The following GPANK1 variants were observed in gnomAD, a reference collection of about 807,000 sequenced individuals.
GPANK1 encodes the protein G-patch domain and ankyrin repeats 1, also known as G patch domain and ankyrin repeat-containing protein 1.
GPANK1 carries 22 observed loss-of-function variants against 24.0 expected under a neutral mutation model. The ratio of observed to expected loss-of-function variants is 0.92; its 90% CI spans 0.66 to 1.31. The LOEUF is 1.31. Among genes scored for constraint, GPANK1 ranks in the 50% most tolerant of loss-of-function variants. The pLI is 0.00. For missense variants in GPANK1, 469 were observed against 453.5 expected (o/e 1.03, Z -0.31); for synonymous variants, 174 against 177.4 (o/e 0.98, Z 0.15).
upstream of GPANK1, chr6:31,665,571 C>T (rs955443480): frequency 7.3e-7 from 1 of 1,370,568 alleles, no homozygotes; most frequent in Non-Finnish European, 1.0e-6. Flanking sequence ...AGCCAAGCCG[C>T]ACCTCTCCCC....
At chr6:31,665,432 T>TA (rs894941795), upstream of GPANK1, 9 of 1,562,100 alleles carry the variant, frequency 5.8e-6, no homozygotes, top group East Asian at 2.4e-5. Context: ...AGGTCACACT[T>TA]AGAGCCTAAG....
upstream of GPANK1, chr6:31,666,135 C>T: frequency 2.0e-6 from 2 of 994,578 alleles, no homozygotes; most frequent in Non-Finnish European, 2.4e-6. Flanking sequence ...GCGGCCTGCG[C>T]TGTAGCGGTC....
upstream of GPANK1, chr6:31,665,210 G>C (rs1011916912): frequency 1.8e-5 from 10 of 552,748 alleles, no homozygotes; most frequent in Admixed American, 2.4e-4. Context: ...GGATCTGTCG[G>C]TTGGGGTCCT....
chr6:31,661,418 G>A lies in GPANK1; in HGVS notation c.*848C>T, dbSNP rs1800828213. On this transcript the variant is annotated 3_prime_UTR_variant, in exon 3 of 3. Coordinates refer to ENST00000375896, the MANE Select transcript of GPANK1 (RefSeq NM_033177.4). Reference sequence around the variant, plus strand: ...CCTGCATTATAATATTTGATAACATGGGCCGGGAGTGGTGGCTCATGCCTG... The same window carrying A: ...CCTGCATTATAATATTTGATAACATAGGCCGGGAGTGGTGGCTCATGCCTG... 1 of 152,320 alleles carries A rather than the reference G, an allele frequency of 6.6e-6. No individual in the cohort carries two copies. The highest frequency in any genetic ancestry group is 1.5e-5 in the Non-Finnish European group (1 of 68,074). 9.4% of individuals were successfully genotyped at this position (152,320 alleles called of 1,614,324 possible). A position where few individuals can be genotyped will look rare whatever the true frequency, so the allele number is the denominator to read the frequency against.
At chr6:31,665,456 G>A (rs758409823), upstream of GPANK1, 7 of 1,569,494 alleles carry the variant, frequency 4.5e-6, no homozygotes, top group African/African-American at 6.8e-5. Context: ...AAATGGAGAA[G>A]TGCAAAGGGA....
chr6:31,662,438 G>A lies in GPANK1; in HGVS notation c.899C>T (p.Ser300Leu). The stretch of plus-strand genomic sequence containing the variant: ...ATGTGTCACTCGGGGCTGGGGTGCT[G>A]ATCTGTAGCCTAGTCCTTCCTGGTC... ...KRDQEGLGYR[S>L]APQPRVTHFP... The change falls in exon 3 of 3, where the codon TCA becomes TTA. Residue 300 changes from serine to leucine, a missense_variant. Ser to Leu is a moderately radical substitution (Grantham distance 145, BLOSUM62 -2). Transcript: ENST00000375896. The surrounding 1 kb of genome is among the most constrained non-coding windows in gnomAD (Gnocchi z 5.5). 3 of 1,612,306 alleles carry A rather than the reference G, an allele frequency of 1.9e-6. No individual in the cohort carries two copies. Among genetic ancestry groups the A allele is most frequent in the Non-Finnish European group, 2.5e-6 (3 of 1,179,596 alleles).
upstream of GPANK1, chr6:31,666,119 G>C (rs1801662450): frequency 7.0e-6 from 7 of 994,108 alleles, no homozygotes; most frequent in African/African-American, 3.5e-5. Context: ...TGCCGCGGTC[G>C]GGTCCGCGGC....
upstream of GPANK1, chr6:31,665,272 C>T (rs1801497097): frequency 3.1e-6 from 2 of 646,650 alleles, no homozygotes; most frequent in East Asian, 5.5e-5. Context: ...ACGTGGCCCC[C>T]GCTCCAAGCC....
chr6:31,666,076 C>T (rs915359252), upstream of GPANK1: 23 of 991,110 alleles, frequency 2.3e-5, no homozygotes, highest in East Asian at 1.1e-4. Context: ...TCCCCACCCT[C>T]CCTAATTTCC....
At chr6:31,665,718 C>T (rs762506346), upstream of GPANK1, 48 of 838,888 alleles carry the variant, frequency 5.7e-5, no homozygotes, top group Non-Finnish European at 8.7e-5. Flanking sequence ...GCAGCAGCGC[C>T]GCGCCGGGAC....
At chr6:31,665,342 G>A (rs974942984), upstream of GPANK1, 8 of 1,111,310 alleles carry the variant, frequency 7.2e-6, no homozygotes, top group South Asian at 1.3e-5. Flanking sequence ...GAGGCGGAGG[G>A]AAACCTGTGG....
In GPANK1 at chr6:31,664,102, G is replaced by A. The variant is rs774494386; in HGVS notation, c.377C>T (p.Pro126Leu). ...CCCCCCAGCTCCTCCTGCCTCATGC[G>A]GTTCCAGCAGTCTCCTAAGTTCTGG... ...DLPELRRLLE[P>L]HEAGGAGGNI... Residue 126 changes from proline to leucine, a missense_variant, in exon 2 of 3, where the codon CCG becomes CTG. Transcript: ENST00000375896. 1.2e-5 allele frequency: 19 copies of A among 1,614,032 alleles called. No individual in the cohort carries two copies. The highest frequency in any genetic ancestry group is 1.4e-5 in the Non-Finnish European group (17 of 1,180,030).
At chr6:31,664,650 A>C (rs1801394984) in intron 1 of GPANK1, 73 bp from the exon 2 acceptor site, 1 of 597,520 alleles carries the variant, frequency 1.7e-6, no homozygotes, top group Admixed American at 3.0e-5. Context: ...AGGACTCTGC[A>C]GGGCCTAAGG....
At position 31,664,432 on chromosome 6, in the gene GPANK1, C is replaced by T. The variant is rs774998575; in HGVS notation, c.47G>A (p.Ser16Asn). 3 of 1,614,030 alleles carry T rather than the reference C, an allele frequency of 1.9e-6. No individual in the cohort carries two copies. The highest frequency in any genetic ancestry group is 2.5e-6 in the Non-Finnish European group (3 of 1,180,010). ...CTGCTGCCCATCCTTCCAGAGGTCG[C>T]TGGGGTCAGTGGCTGGGGTGAAGGT... ...LITFTPATDP[S>N]DLWKDGQQQP... is the part of the protein sequence containing the mutation. The change falls in exon 2 of 3, where the codon AGC (serine) becomes AAC (asparagine). Residue 16 changes from serine to asparagine, a missense_variant. Physicochemically the swap from Ser to Asn is conservative, Grantham distance 46. Coordinates refer to ENST00000375896, the MANE Select transcript of GPANK1 (RefSeq NM_033177.4).
At chr6:31,665,369 G>C (rs1161577202), upstream of GPANK1, 9 of 1,323,066 alleles carry the variant, frequency 6.8e-6, no homozygotes, top group African/African-American at 4.4e-5. Flanking sequence ...GAGAAGCCGT[G>C]TAATGAAATA....
Position 31,662,337 on chromosome 6 carries a change from C to G in GPANK1, c.1000G>C (p.Glu334Gln). The change falls in exon 3 of 3, where the codon GAG becomes CAG. Residue 334 changes from glutamate (E) to glutamine (Q), a missense_variant. Physicochemically the swap from Glu to Gln is conservative, Grantham distance 29. Coordinates refer to ENST00000375896, the MANE Select transcript of GPANK1 (RefSeq NM_033177.4). This position sits in a 1 kb window ranked among gnomAD's most constrained non-coding sequence, Gnocchi z 5.5. Reference sequence around the variant, plus strand: ...CTGTCTTTCTCCTCCCTCCTTCTCTCCTCCCTCCAGCTCAGTGTGGCCACC... The same window carrying G: ...CTGTCTTTCTCCTCCCTCCTTCTCTGCTCCCTCCAGCTCAGTGTGGCCACC... ...PRVATLSWRE[E>Q]RRREEKDRAW... The G allele has an allele frequency of 6.2e-7, 1 of 1,606,812 alleles. No individual in the cohort carries two copies. Among genetic ancestry groups the G allele is most frequent in the Non-Finnish European group, 8.5e-7 (1 of 1,176,138 alleles).
Position 31,663,926 on chromosome 6 carries a change from C to A in GPANK1, c.553G>T (p.Glu185Ter). The part of the protein sequence containing the change: ...LSGRDAAQLA[E>*]EAGFPEVARM... ...GCTACCTCAGGGAAGCCAGCTTCTT[C>A]AGCGAGCTGAGCCGCATCCCTGCCA... is the stretch of plus-strand genomic sequence containing the variant. Residue 185 changes from glutamate to a stop codon, truncating the protein, a stop_gained, in exon 2 of 3, where the codon GAA becomes TAA. Coordinates refer to ENST00000375896, the MANE Select transcript of GPANK1 (RefSeq NM_033177.4). LOFTEE classifies it high-confidence loss of function. 1 of 1,612,732 alleles carries A rather than the reference C, an allele frequency of 6.2e-7. No individual in the cohort carries two copies. The highest frequency in any genetic ancestry group is 1.1e-5 in the South Asian group (1 of 90,950).
Position 31,662,509 on chromosome 6 carries a change from G to T in GPANK1, c.828C>A (p.Pro276=), listed in dbSNP as rs113571875. Residue 276 remains proline (P), a synonymous_variant, in exon 3 of 3, where the codon CCC becomes CCA. Coordinates refer to ENST00000375896, the MANE Select transcript of GPANK1 (RefSeq NM_033177.4). The surrounding 1 kb of genome is among the most constrained non-coding windows in gnomAD (Gnocchi z 5.5). ...GGWEPGMGLG[P]RGEGRANPIP... ...TGGGATTGGCACGGCCCTCACCCCGGGGTCCCAGCCCCATTCCTGGCTCCC... is the reference window on the plus strand; with the variant it reads ...TGGGATTGGCACGGCCCTCACCCCGTGGTCCCAGCCCCATTCCTGGCTCCC... The T allele has an allele frequency of 3.7e-6, 6 of 1,612,572 alleles. No individual in the cohort carries two copies. In the East Asian group the frequency reaches 8.9e-5, roughly 24 times the overall value.
At position 31,664,822 on chromosome 6, in the gene GPANK1, C is replaced by G. The variant is rs1801420803; in HGVS notation, c.-100+19G>C. The G allele has an allele frequency of 2.9e-6, 1 of 340,972 alleles. No individual in the cohort carries two copies. Among genetic ancestry groups the G allele is most frequent in the Non-Finnish European group, 5.4e-6 (1 of 186,698 alleles). The allele number at this position is 340,972 out of a possible 1,614,324, so 21.1% of individuals were successfully genotyped here. A position where few individuals can be genotyped will look rare whatever the true frequency, so the allele number is the denominator to read the frequency against. On this transcript the variant is annotated intron_variant, in intron 1 of 2. Coordinates refer to ENST00000375896, the MANE Select transcript of GPANK1 (RefSeq NM_033177.4). Reference sequence around the variant, plus strand: ...ACCAGCCTCTTTCTGAAACCACTTTCCCACCCCGTAAGACATACCAGTAGG... The same window carrying G: ...ACCAGCCTCTTTCTGAAACCACTTTGCCACCCCGTAAGACATACCAGTAGG...
Sources: gnomAD v4.1 joint callset for allele counts on GRCh38, gnomAD v4.1.1 for gene constraint, Gnocchi (gnomAD v3.1) non-coding constraint, MANE v1.5 for transcripts, NCBI Gene and HGNC (gene_info 2026-07-23, HGNC 2026-07-21) for gene names.